Variants in BCAR1 observed in about 807,000 individuals in gnomAD.
BCAR1 encodes the protein BCAR1 scaffold protein, Cas family member, also known as breast cancer anti-estrogen resistance protein 1.
A neutral mutation model predicts 67.6 loss-of-function variants in BCAR1; 30 were observed. That is an observed-to-expected ratio of 0.44 (90% CI 0.33 to 0.60). The LOEUF is 0.60. Among genes scored for constraint, BCAR1 ranks in the 20% least tolerant of loss-of-function variants. BCAR1 has a pLI of 0.02. For missense variants in BCAR1, 1,313 were observed against 1,222.3 expected (o/e 1.07, Z -1.11); for synonymous variants, 626 against 556.7 (o/e 1.12, Z -1.75).
Position 75,257,793 on chromosome 16 carries a change from C to G in BCAR1, c.66+10122G>C, listed in dbSNP as rs188326937. 4.1e-4 allele frequency among the ~76,000 whole-genome samples: 62 copies of G among 152,312 alleles called. 1 individual carries two copies. The East Asian group carries it at 0.012, about 29-fold the overall frequency. ...CTTTTTCTCCCTCCTTGGACAGCAT[C>G]GTGGGGCTAGGCTGGGTGTCCCACT... On this transcript the variant is annotated intron_variant, in intron 1 of 6. Transcript: ENST00000393422.
chr16:75,266,117 G>A, intron 1 of BCAR1: 1 of 860,762 alleles, frequency 1.2e-6, no homozygotes. Context: ...GGGAGGCGCG[G>A]TCTCCTCCGC....
At position 75,237,227 on chromosome 16, in the gene BCAR1, C is replaced by T. The variant is rs757874497; in HGVS notation, c.751G>A (p.Val251Met). The T allele has an allele frequency of 1.4e-5, 22 of 1,566,114 alleles. No homozygotes were observed. Among genetic ancestry groups the T allele is most frequent in the Non-Finnish European group, 1.9e-5 (22 of 1,158,268 alleles). Reference protein sequence around the residue: ...LAPGPQDIYDVPPVRGLLPSQ... With the variant: ...LAPGPQDIYDMPPVRGLLPSQ... ...GGAAGCAGCCCCCGAACCGGGGGCA[C>T]ATCATAGATGTCCTGTGGCCCCGGG... The change falls in exon 3 of 7, where the codon GTG becomes ATG. Residue 251 changes from valine (V) to methionine (M), a missense_variant. Val to Met is a conservative substitution (Grantham distance 21). Transcript: ENST00000162330.
At position 75,242,519 on chromosome 16, in the gene BCAR1, G is replaced by A; in HGVS notation, c.584C>T (p.Pro195Leu). ...CCAGCTGCGTGTGTCCATGGACGGG[G>A]GGACCTGGTAGATGTCATGCCCCAT... ...AGMGHDIYQVPPSMDTRSWEG... is the reference protein window; with the variant it reads ...AGMGHDIYQVLPSMDTRSWEG... Residue 195 changes from proline to leucine, a missense_variant, in exon 2 of 7, where the codon CCC becomes CTC. Physicochemically the swap from Pro to Leu is moderately conservative, Grantham distance 98. This residue lies in a region of BCAR1 where 1,272 missense variants were observed against 1,137.5 expected (regional missense o/e 1.12). Coordinates refer to ENST00000162330, the MANE Select transcript of BCAR1 (RefSeq NM_014567.5). 6.8e-7 allele frequency: 1 copy of A among 1,478,896 alleles called. No individual in the cohort carries two copies. The highest frequency in any genetic ancestry group is 9.0e-7 in the Non-Finnish European group (1 of 1,115,824). 91.6% of individuals were successfully genotyped at this position (1,478,896 alleles called of 1,614,324 possible).
Position 75,242,905 on chromosome 16 carries a change from C to A in BCAR1, c.198G>T (p.Met66Ile). The A allele has an allele frequency of 1.2e-6, 2 of 1,612,196 alleles. No homozygotes were observed. The highest frequency in any genetic ancestry group is 1.7e-6 in the Non-Finnish European group (2 of 1,179,776). Residue 66 changes from methionine (M) to isoleucine (I), a missense_variant, in exon 2 of 7, where the codon ATG becomes ATT. Met to Ile is a conservative substitution (Grantham distance 10, BLOSUM62 1). Coordinates refer to ENST00000162330, the MANE Select transcript of BCAR1 (RefSeq NM_014567.5). The stretch of plus-strand genomic sequence containing the variant: ...CAGGCCCTGCTGGCTTCTTATCATA[C>A]ATGCCCACCAAGATCTTGAGGCGGT... ...PGNRLKILVGMYDKKPAGPGP... is the reference protein window; with the variant it reads ...PGNRLKILVGIYDKKPAGPGP...
At chr16:75,240,481 A>C (rs1192506473) in intron 2 of BCAR1, among the ~76,000 whole-genome samples, 1 of 152,218 alleles carries the variant, frequency 6.6e-6, no homozygotes, top group African/African-American at 2.4e-5. Flanking sequence ...GAATTCAACA[A>C]AATGCTTTTG....
chr16:75,237,105 T>C (rs1597196857), intron 3 of BCAR1, 78 bp downstream of exon 3: 1 of 1,506,666 alleles, frequency 6.6e-7, no homozygotes, highest in Non-Finnish European at 8.9e-7. Context: ...GCTGAGAAGA[T>C]GCAGCTCTCG....
upstream of BCAR1, chr16:75,251,775 G>C (rs1482654844): frequency 7.8e-5 from 52 of 664,896 alleles, no homozygotes; most frequent in African/African-American, 9.1e-4. Context: ...CCCAGTAGGG[G>C]CCGCCCCCCG....
At chr16:75,237,116 G>A in intron 3 of BCAR1, 67 bp downstream of exon 3, 2 of 1,504,136 alleles carry the variant, frequency 1.3e-6, no homozygotes, top group Admixed American at 2.2e-5. Flanking sequence ...GCAGCTCTCG[G>A]CCCAGGGCCA....
intron 1 of BCAR1, chr16:75,263,181 A>G (rs1037096505): frequency 2.0e-6 from 2 of 984,002 alleles, no homozygotes; most frequent in Non-Finnish European, 2.4e-6. Flanking sequence ...CTCACTTCAC[A>G]GATGGGAAGC....
In BCAR1 at chr16:75,266,072, G is replaced by C. The variant is rs947848241; in HGVS notation, c.66+1843C>G. The C allele has an allele frequency of 5.9e-6, 6 of 1,011,254 alleles. No homozygotes were observed. The Admixed American group carries it at 2.9e-4, about 48-fold the overall frequency. 62.6% of individuals were successfully genotyped at this position (1,011,254 alleles called of 1,614,324 possible). ...GGGACGCGTTAAAGGTGAGGACCCC[G>C]GACCTAGGCCTTTTTCTGTCGGCCC... On this transcript the variant is annotated intron_variant, in intron 1 of 6. Transcript: ENST00000393422.
chr16:75,229,981 T>C lies in BCAR1; in HGVS notation c.2143A>G (p.Ile715Val). ...GTCCAGTTGGCCAGGTCGTGGTCTA[T>C]GGGCCGTGACACCTCCTGTTCCAGT... ...ERLEQEVSRP[I>V]DHDLANWTPA... The change falls in exon 7 of 7, where the codon ATA becomes GTA. Residue 715 changes from isoleucine (I) to valine (V), a missense_variant. Physicochemically the swap from Ile to Val is conservative, Grantham distance 29. This residue lies in a region of BCAR1 where 1,272 missense variants were observed against 1,137.5 expected (regional missense o/e 1.12). Transcript: ENST00000162330. The C allele has an allele frequency of 6.3e-7, 1 of 1,575,730 alleles. No homozygotes were observed. Among genetic ancestry groups the C allele is most frequent in the South Asian group, 1.2e-5 (1 of 85,198 alleles).
chr16:75,244,045 A>G (rs1056618984), intron 1 of BCAR1, among the ~76,000 whole-genome samples: 1 of 152,172 alleles, frequency 6.6e-6, no homozygotes, highest in African/African-American at 2.4e-5. Context: ...AGAGGGCTGC[A>G]TGGGTTCCAC....
At chr16:75,251,665 C>T, upstream of BCAR1, 1 of 997,234 alleles carries the variant, frequency 1.0e-6, no homozygotes, top group Non-Finnish European at 1.2e-6. Context: ...CCGGCCCAGC[C>T]CGATCCCAGC....
At position 75,266,022 on chromosome 16, in the gene BCAR1, G is replaced by GC. The variant is rs534922064; in HGVS notation, c.66+1892dup. ...GCGCCGCGCATGCGCCGCCCGCGCCGCCCCCCCCACCGTCTCCGCGGCCAG... is the reference window on the plus strand; with the variant it reads ...GCGCCGCGCATGCGCCGCCCGCGCCGCCCCCCCCCACCGTCTCCGCGGCCAG... On this transcript the variant is annotated intron_variant, in intron 1 of 6. Coordinates refer to the BCAR1 transcript ENST00000393422. 4,238 of 1,019,162 alleles carry GC rather than the reference G, an allele frequency of 4.2e-3. 15 individuals are homozygous for GC. The highest frequency in any genetic ancestry group is 0.026 in the East Asian group (282 of 10,764). 63.1% of individuals were successfully genotyped at this position (1,019,162 alleles called of 1,614,324 possible).
intron 1 of BCAR1, among the ~76,000 whole-genome samples, chr16:75,244,484 G>A (rs1167376447): frequency 6.6e-6 from 1 of 152,234 alleles, no homozygotes; most frequent in African/African-American, 2.4e-5. Context: ...GTGCCCCTCT[G>A]AGCGCCATCT....
At chr16:75,248,033 A>C (rs746424682) in intron 1 of BCAR1, 3 of 1,414,030 alleles carry the variant, frequency 2.1e-6, no homozygotes, top group African/African-American at 1.4e-5. Context: ...CCCTCAAAAC[A>C]ACCCCATAAG....
upstream of BCAR1, among the ~76,000 whole-genome samples, chr16:75,253,969 A>ACT (rs2077729578): frequency 2.0e-5 from 2 of 101,342 alleles, no homozygotes; most frequent in Admixed American, 1.9e-4. Flanking sequence ...CGTTAGCCCC[A>ACT]ATTTTTTTTT....
intron 2 of BCAR1, chr16:75,238,727 T>A (rs2151424251): frequency 1.0e-6 from 1 of 985,536 alleles, no homozygotes; most frequent in South Asian, 4.7e-5. Context: ...CGGCTGCCTC[T>A]CCAGACTCAT....
intron 1 of BCAR1, chr16:75,264,710 T>C: frequency 5.0e-6 from 6 of 1,192,148 alleles, no homozygotes; most frequent in Non-Finnish European, 6.3e-6. Flanking sequence ...GCACTCACTC[T>C]GGGATAGTTA....
Sources: gnomAD v4.1 joint callset for allele counts (sites outside exome capture counted in the v4.1 genomes callset) on GRCh38, gnomAD v4.1.1 for gene constraint, gnomAD v4.1.1 regional missense constraint, MANE v1.5 for transcripts, NCBI Gene and HGNC (gene_info 2026-07-23, HGNC 2026-07-21) for gene names.